Variants in FUT9 observed in about 807,000 individuals in gnomAD.
FUT9 encodes the protein fucosyltransferase 9.
In FUT9, 15 loss-of-function variants were observed where a neutral mutation model predicts 29.7. That is an observed-to-expected ratio of 0.51 (90% CI 0.34 to 0.78). The LOEUF is 0.78. Among genes scored for constraint, FUT9 ranks in the 30% least tolerant of loss-of-function variants. The pLI is 0.01. For missense variants in FUT9, 319 were observed against 425.4 expected (o/e 0.75, Z 2.20); for synonymous variants, 169 against 153.7 (o/e 1.10, Z -0.74).
chr6:96,118,378 C>A (rs1255585809), intron 2 of FUT9, among the ~76,000 whole-genome samples: 2 of 151,722 alleles, frequency 1.3e-5, no homozygotes, highest in African/African-American at 4.8e-5. Flanking sequence ...CAATGATTGA[C>A]CACATGTACA....
At chr6:96,116,952 A>AAAAG (rs1318543367) in intron 2 of FUT9, among the ~76,000 whole-genome samples, 1 of 152,210 alleles carries the variant, frequency 6.6e-6, no homozygotes, top group Admixed American at 6.5e-5. Flanking sequence ...GCACATTAAA[A>AAAAG]AAAGAAAGAA....
intron 1 of FUT9, among the ~76,000 whole-genome samples, chr6:96,087,197 T>C (rs779281869): frequency 1.4e-4 from 22 of 152,182 alleles, no homozygotes; most frequent in Non-Finnish European, 3.2e-4. Context: ...ATTTTTGTTA[T>C]CTCTTTTATC....
chr6:96,028,508 A>G (rs1770206646), intron 1 of FUT9, among the ~76,000 whole-genome samples: 1 of 151,640 alleles, frequency 6.6e-6, no homozygotes, highest in Non-Finnish European at 1.5e-5. Context: ...CTATTACATA[A>G]AAATTTTGCT....
intron 2 of FUT9, among the ~76,000 whole-genome samples, chr6:96,133,579 G>A (rs539636301): frequency 6.6e-6 from 1 of 151,860 alleles, no homozygotes; most frequent in East Asian, 1.9e-4. Context: ...ATAAAATGAG[G>A]ATGAAACTAC....
At chr6:96,172,225 C>T (rs750074080) in intron 2 of FUT9, among the ~76,000 whole-genome samples, 16 of 152,122 alleles carry the variant, frequency 1.1e-4, no homozygotes, top group Non-Finnish European at 1.9e-4. Flanking sequence ...AAATCCCAAC[C>T]TCCTAATACC....
At chr6:96,118,039 C>G (rs1169171974) in intron 2 of FUT9, among the ~76,000 whole-genome samples, 1 of 151,862 alleles carries the variant, frequency 6.6e-6, no homozygotes, top group Non-Finnish European at 1.5e-5. Context: ...AAACCCATCT[C>G]TACTGAAAAT....
At chr6:96,046,238 C>CACAT (rs1770561889) in intron 1 of FUT9, among the ~76,000 whole-genome samples, 1 of 151,050 alleles carries the variant, frequency 6.6e-6, no homozygotes, top group Non-Finnish European at 1.5e-5. Context: ...CACACACACA[C>CACAT]ACACACCCCT....
At chr6:96,164,206 A>C (rs1027485159) in intron 2 of FUT9, among the ~76,000 whole-genome samples, 1 of 151,348 alleles carries the variant, frequency 6.6e-6, no homozygotes, top group African/African-American at 2.4e-5. Context: ...TGGAATCAAT[A>C]GAAGGGAGTT....
rs1445074095 is a variant in FUT9 at position 96,208,368 on chromosome 6, TCATTTTGAGAAA to T, written c.*4147_*4158del. On this transcript the variant is annotated 3_prime_UTR_variant, in exon 3 of 3. Transcript: ENST00000302103. ...CTTTGAGTTCCCTTGAACTCTGATCTCATTTTGAGAAACATTTTGAGAAACTTCTTAACAATT... is the reference window on the plus strand; with the variant it reads ...CTTTGAGTTCCCTTGAACTCTGATCTCATTTTGAGAAACTTCTTAACAATT... 7 of 166,868 alleles carry T rather than the reference TCATTTTGAGAAA, an allele frequency of 4.2e-5. No homozygotes were observed. The highest frequency in any genetic ancestry group is 1.9e-4 in the East Asian group (1 of 5,198). The allele number at this position is 166,868 out of a possible 1,614,324, so 10.3% of individuals were successfully genotyped here. A position where few individuals can be genotyped will look rare whatever the true frequency, so the allele number is the denominator to read the frequency against.
intron 1 of FUT9, among the ~76,000 whole-genome samples, chr6:96,101,835 T>C (rs1367125442): frequency 6.6e-6 from 1 of 150,744 alleles, no homozygotes; most frequent in African/African-American, 2.4e-5. Flanking sequence ...TTTTTTTTTT[T>C]ACTAGAGACA....
At chr6:96,115,568 A>G (rs72929998) in intron 2 of FUT9, among the ~76,000 whole-genome samples, 6,647 of 152,312 alleles carry the variant, frequency 0.044, 182 homozygotes, top group South Asian at 0.12. Context: ...CATCTCATCA[A>G]TGACACTAGC....
At chr6:96,177,005 G>T (rs984466373) in intron 2 of FUT9, among the ~76,000 whole-genome samples, 1 of 152,124 alleles carries the variant, frequency 6.6e-6, no homozygotes, top group African/African-American at 2.4e-5. Context: ...GCAATTTGGA[G>T]AACTGTCTCA....
In FUT9 at chr6:96,212,730, T is replaced by C. The variant is rs970144280; in HGVS notation, c.*8495T>C. 3 of 176,298 alleles carry C rather than the reference T, an allele frequency of 1.7e-5. No individual in the cohort carries two copies. The highest frequency in any genetic ancestry group is 3.5e-4 in the East Asian group (2 of 5,664). 10.9% of individuals were successfully genotyped at this position (176,298 alleles called of 1,614,324 possible). A position where few individuals can be genotyped will look rare whatever the true frequency, so the allele number is the denominator to read the frequency against. On this transcript the variant is annotated 3_prime_UTR_variant, in exon 3 of 3. Coordinates refer to ENST00000302103, the MANE Select transcript of FUT9 (RefSeq NM_006581.4). ...GTTAAACATCTTCATTATAATAATA[T>C]GTCTTATTCTGATTCCAAGACAATA...
chr6:96,163,240 G>A (rs185906987), intron 2 of FUT9, among the ~76,000 whole-genome samples: 153 of 147,436 alleles, frequency 1.0e-3, no homozygotes, highest in African/African-American at 3.5e-3. Flanking sequence ...TTGTTCTTCT[G>A]TTTCCTTGTT....
intron 1 of FUT9, among the ~76,000 whole-genome samples, chr6:96,064,594 C>G (rs943223738): frequency 6.6e-6 from 1 of 152,212 alleles, no homozygotes; most frequent in Middle Eastern, 3.4e-3. Context: ...ACACACTGAT[C>G]TACATTGAAA....
chr6:96,153,370 T>A (rs1772718175), intron 2 of FUT9, among the ~76,000 whole-genome samples: 1 of 152,134 alleles, frequency 6.6e-6, no homozygotes. Context: ...AAAAGGACAT[T>A]ACACATTAAC....
At chr6:96,052,963 T>C (rs902163542) in intron 1 of FUT9, among the ~76,000 whole-genome samples, 1 of 148,588 alleles carries the variant, frequency 6.7e-6, no homozygotes, top group African/African-American at 2.5e-5. Context: ...CACCTTACTG[T>C]TTTTTTTTGT....
At chr6:96,201,876 C>T (rs567018965) in intron 2 of FUT9, among the ~76,000 whole-genome samples, 1 of 151,176 alleles carries the variant, frequency 6.6e-6, no homozygotes, top group East Asian at 1.9e-4. Flanking sequence ...TCAAGCTTTG[C>T]TACTCAGAGA....
intron 1 of FUT9, among the ~76,000 whole-genome samples, chr6:96,056,965 T>A (rs950340169): frequency 3.3e-5 from 5 of 152,208 alleles, no homozygotes; most frequent in Non-Finnish European, 7.3e-5. Context: ...ACTGTTAGTG[T>A]TCAATAACTT....
Sources: allele counts gnomAD v4.1 joint callset (sites outside exome capture counted in the v4.1 genomes callset), GRCh38; gene constraint gnomAD v4.1.1; transcripts MANE v1.5; gene names NCBI Gene and HGNC (gene_info 2026-07-23, HGNC 2026-07-21).